The following RTTN variants were observed in gnomAD, a reference collection of about 807,000 sequenced individuals.
RTTN encodes the protein rotatin.
Under a neutral mutation model 269.2 loss-of-function variants are expected in RTTN, and 182 were observed. The observed-to-expected ratio is 0.68, with a 90% CI of 0.60 to 0.76. RTTN has a LOEUF of 0.76. Among genes scored for constraint, RTTN ranks in the 30% least tolerant of loss-of-function variants. RTTN has a pLI of 0.00. For missense variants in RTTN, 2,545 were observed against 2,608.6 expected (o/e 0.98, Z 0.53); for synonymous variants, 1,006 against 963.5 (o/e 1.04, Z -0.82).
At chr18:70,132,172 T>C (rs914298593) in intron 23 of RTTN, among the ~76,000 whole-genome samples, 2 of 152,050 alleles carry the variant, frequency 1.3e-5, no homozygotes, top group African/African-American at 2.4e-5. Flanking sequence ...TCAAAATACA[T>C]TGTCAGCCAG....
In RTTN at chr18:70,083,848, C is replaced by T. The variant is rs563957311; in HGVS notation, c.4374+2765G>A. On this transcript the variant is annotated intron_variant, in intron 32 of 48. Coordinates refer to ENST00000640769, the MANE Select transcript of RTTN (RefSeq NM_173630.4). ...CAGCTACTCAGGAGGCTGAGGCAAGCGTATCACTTGAGCCCAGGAACTCAA... is the reference window on the plus strand; with the variant it reads ...CAGCTACTCAGGAGGCTGAGGCAAGTGTATCACTTGAGCCCAGGAACTCAA... 2.4e-3 allele frequency among the ~76,000 whole-genome samples: 355 copies of T among 150,964 alleles called. 2 individuals carry two copies. The highest frequency in any genetic ancestry group is 8.2e-3 in the African/African-American group (339 of 41,168).
At position 70,017,602 on chromosome 18, in the gene RTTN, T is replaced by C. The variant is rs554677788; in HGVS notation, c.6226A>G (p.Ile2076Val). Residue 2076 changes from isoleucine (I) to valine (V), a missense_variant, in exon 46 of 49, where the codon ATT becomes GTT. Physicochemically the swap from Ile to Val is conservative, Grantham distance 29 (BLOSUM62 3). Transcript: ENST00000640769. The stretch of plus-strand genomic sequence containing the variant: ...TTCAGGAGTAACTTCAACCAAAGAA[T>C]AGTCAGATTACTTAGATGTTTATTT... ...GGNKHLSNLT[I>V]LWLKLLLNIS... 16 of 1,613,758 alleles carry C rather than the reference T, an allele frequency of 9.9e-6. No individual in the cohort carries two copies. In the East Asian group the frequency reaches 2.0e-4, roughly 20 times the overall value.
In RTTN at chr18:70,023,451, T is replaced by C. The variant is rs527858250; in HGVS notation, c.5950+1271A>G. 3.9e-5 allele frequency among the ~76,000 whole-genome samples: 6 copies of C among 152,340 alleles called. No individual in the cohort carries two copies. In the South Asian group the frequency reaches 1.2e-3, roughly 32 times the overall value. ...TTGAGTGAACATCAACACCTTAGAC[T>C]TAACAAGACCAAACAGAACTCTTGA... On this transcript the variant is annotated intron_variant, in intron 44 of 48. Transcript: ENST00000640769.
chr18:70,058,238 C>G (rs368501068), intron 36 of RTTN, among the ~76,000 whole-genome samples: 2 of 152,228 alleles, frequency 1.3e-5, no homozygotes, highest in Non-Finnish European at 2.9e-5. Context: ...TAAAACAGGC[C>G]GGGTGCGGTG....
In RTTN at chr18:70,092,249, T is replaced by C. The variant is rs1472601713; in HGVS notation, c.4033-29A>G. On this transcript the variant is annotated intron_variant, in intron 29 of 48. Transcript: ENST00000640769. ...GAGGGAAAAAAGGGAAACAGAAATA[T>C]TTGAGGTAAGTTTCTAAAAATAAAA... 2.2e-6 allele frequency: 3 copies of C among 1,362,622 alleles called. No homozygotes were observed. In the Admixed American group the frequency reaches 5.2e-5, roughly 24 times the overall value. The allele number at this position is 1,362,622 out of a possible 1,614,324, so 84.4% of individuals were successfully genotyped here. A position where few individuals can be genotyped will look rare whatever the true frequency, so the allele number is the denominator to read the frequency against.
At chr18:70,039,769 G>C (rs1452851657) in intron 40 of RTTN, among the ~76,000 whole-genome samples, 2 of 152,090 alleles carry the variant, frequency 1.3e-5, no homozygotes, top group Non-Finnish European at 2.9e-5. Flanking sequence ...TTAAGACAAA[G>C]ACAGTACAAT....
At chr18:70,101,826 C>T (rs1288783326) in intron 28 of RTTN, among the ~76,000 whole-genome samples, 2 of 152,150 alleles carry the variant, frequency 1.3e-5, no homozygotes, top group African/African-American at 2.4e-5. Flanking sequence ...GCCTTCATTT[C>T]GTTACGTACC....
intron 10 of RTTN, among the ~76,000 whole-genome samples, chr18:70,182,423 G>C (rs142070749): frequency 3.3e-5 from 5 of 152,060 alleles, no homozygotes; most frequent in African/African-American, 1.2e-4. Context: ...ACTGATAAAC[G>C]TAAGAGTCAA....
At chr18:70,019,058 C>G (rs1336853429) in intron 45 of RTTN, among the ~76,000 whole-genome samples, 2 of 151,990 alleles carry the variant, frequency 1.3e-5, no homozygotes, top group East Asian at 3.9e-4. Flanking sequence ...CTTAATGCAG[C>G]AGAGGAAGTC....
intron 46 of RTTN, 166 bp from the exon 47 acceptor site, chr18:70,006,650 A>C: frequency 1.7e-6 from 1 of 596,942 alleles, no homozygotes; most frequent in South Asian, 2.1e-5. Context: ...GGTATATGGG[A>C]GGACAACCTC....
intron 25 of RTTN, among the ~76,000 whole-genome samples, chr18:70,127,114 A>C (rs1257463644): frequency 6.6e-6 from 1 of 152,210 alleles, no homozygotes; most frequent in East Asian, 1.9e-4. Context: ...TAATTTACTT[A>C]AGAACAAAAC....
chr18:70,139,119 G>A (rs2060196107), intron 21 of RTTN, among the ~76,000 whole-genome samples: 1 of 152,102 alleles, frequency 6.6e-6, no homozygotes, highest in African/African-American at 2.4e-5. Context: ...TTTATAGAAT[G>A]TAATAAATTT....
At chr18:70,116,714 C>A (rs1383525395) in intron 26 of RTTN, among the ~76,000 whole-genome samples, 1 of 152,040 alleles carries the variant, frequency 6.6e-6, no homozygotes, top group Admixed American at 6.6e-5. Flanking sequence ...TGTTTACACA[C>A]ACAGTTACCA....
At chr18:70,103,371 G>A (rs922229410) in intron 28 of RTTN, among the ~76,000 whole-genome samples, 4 of 152,098 alleles carry the variant, frequency 2.6e-5, no homozygotes. Context: ...TGTCTGTGTA[G>A]AAAGAAGTAG....
intron 17 of RTTN, among the ~76,000 whole-genome samples, chr18:70,148,565 T>C (rs1488994582): frequency 4.6e-5 from 7 of 152,168 alleles, no homozygotes; most frequent in Non-Finnish European, 1.0e-4. Context: ...GGCTAACAAT[T>C]TCTAAAGAGA....
intron 28 of RTTN, among the ~76,000 whole-genome samples, chr18:70,108,276 CA>C (rs71178848): frequency 0.72 from 105,396 of 146,210 alleles, 43,784 homozygotes; most frequent in East Asian, 1. Context: ...GACTCTGTCT[CA>C]AAAAAAAAAA....
chr18:70,170,450 A>T (rs1357414355), intron 11 of RTTN, among the ~76,000 whole-genome samples: 1 of 152,254 alleles, frequency 6.6e-6, no homozygotes, highest in Non-Finnish European at 1.5e-5. Flanking sequence ...TACTTCTCCA[A>T]AGTAGTAGAG....
chr18:70,121,500 T>G, intron 26 of RTTN, 56 bp downstream of exon 26: 1 of 1,358,262 alleles, frequency 7.4e-7, no homozygotes, highest in Non-Finnish European at 1.0e-6. Context: ...TGTTAATGAT[T>G]TCTACAAATA....
At chr18:70,031,318 C>T (rs1246778376) in intron 40 of RTTN, 1 of 401,762 alleles carries the variant, frequency 2.5e-6, no homozygotes, top group East Asian at 3.6e-5. Context: ...AAAATGGGTC[C>T]TTGTAAAACT....
Sources: allele counts gnomAD v4.1 joint callset (sites outside exome capture counted in the v4.1 genomes callset), GRCh38; gene constraint gnomAD v4.1.1; transcripts MANE v1.5; gene names NCBI Gene and HGNC (gene_info 2026-07-23, HGNC 2026-07-21).